The following DNAH17 variants were observed in gnomAD, a reference collection of about 807,000 sequenced individuals.
DNAH17 encodes the protein axonemal beta dynein heavy chain 17.
DNAH17 carries 376 observed loss-of-function variants against 485.6 expected under a neutral mutation model. The ratio of observed to expected loss-of-function variants is 0.77; its 90% CI spans 0.71 to 0.84. The LOEUF (loss-of-function observed/expected upper bound fraction) is 0.84. DNAH17 is among the 40% of genes least tolerant of loss of function. The probability of loss-of-function intolerance (pLI) is 0.00; values close to 1 mark genes in which losing one functional copy is unlikely to be tolerated. For missense variants in DNAH17, 6,370 were observed against 5,839.3 expected (o/e 1.09, Z -2.96); for synonymous variants, 3,031 against 2,405.9 (o/e 1.26, Z -7.60).
chr17:78,510,753 C>CCCG (rs138895432), intron 26 of DNAH17: 36,165 of 421,810 alleles, frequency 0.086, 2,209 homozygotes, highest in East Asian at 0.19. Flanking sequence ...GAATTGCGGC[C>CCCG]CCCCCGCAAA....
In DNAH17 at chr17:78,529,566, G is replaced by A. The variant is rs756507051; in HGVS notation, c.3413C>T (p.Ala1138Val). 6.2e-7 allele frequency: 1 copy of A among 1,613,932 alleles called. No homozygotes were observed. The highest frequency in any genetic ancestry group is 2.2e-5 in the East Asian group (1 of 44,872). ...CAGGGGCTCAAACATGTTGTCGGTG[G>A]CTGCTTGCCTCTCCTTGACTTTCAT... ...HLMKVKERQA[A>V]TDNMFEPLKQ... The change falls in exon 22 of 81, where the codon GCC becomes GTC. Residue 1138 changes from alanine to valine, a missense_variant. Coordinates refer to ENST00000389840, the MANE Select transcript of DNAH17 (RefSeq NM_173628.4).
chr17:78,545,136 G>A (rs1455347570), intron 16 of DNAH17, among the ~76,000 whole-genome samples: 1 of 152,130 alleles, frequency 6.6e-6, no homozygotes, highest in African/African-American at 2.4e-5. Context: ...GAACGATGAA[G>A]ACTTAGATCA....
intron 67 of DNAH17, 42 bp downstream of exon 67, chr17:78,450,640 C>G (rs1321939782): frequency 6.9e-6 from 11 of 1,592,308 alleles, no homozygotes; most frequent in Non-Finnish European, 9.4e-6. Flanking sequence ...CCCAGCCTCC[C>G]AAGCCCTGGC....
At chr17:78,436,664 C>T (rs561468611) in intron 74 of DNAH17, among the ~76,000 whole-genome samples, 24 of 151,950 alleles carry the variant, frequency 1.6e-4, no homozygotes, top group Admixed American at 3.3e-4. Context: ...GCCAACATAG[C>T]GAAATCTCAT....
At chr17:78,500,531 CAG>C (rs2090245886) in intron 35 of DNAH17, 70 bp from the exon 36 acceptor site, 1 of 1,436,210 alleles carries the variant, frequency 7.0e-7, no homozygotes, top group Non-Finnish European at 9.3e-7. Context: ...TTTTTTGAGA[CAG>C]AGTCTCACTC....
At chr17:78,501,617 C>A (rs2090293136) in intron 34 of DNAH17, 125 bp downstream of exon 34, 3 of 1,378,246 alleles carry the variant, frequency 2.2e-6, no homozygotes, top group African/African-American at 2.9e-5. Context: ...GAGGCAGCTG[C>A]AGCCAGCAAC....
intron 14 of DNAH17, among the ~76,000 whole-genome samples, chr17:78,555,839 C>T (rs578088128): frequency 9.1e-4 from 138 of 152,242 alleles, no homozygotes; most frequent in African/African-American, 3.1e-3. Context: ...GCACAAAAGG[C>T]GGAGGAAGGA....
intron 13 of DNAH17, among the ~76,000 whole-genome samples, chr17:78,559,407 C>T (rs2092102773): frequency 6.6e-6 from 1 of 152,220 alleles, no homozygotes; most frequent in Admixed American, 6.5e-5. Flanking sequence ...ACTCACCTGA[C>T]CCTAAAACAT....
At chr17:78,458,752 G>T (rs748049711) in intron 61 of DNAH17, 72 bp from the exon 62 acceptor site, 108 of 1,381,486 alleles carry the variant, frequency 7.8e-5, no homozygotes, top group Middle Eastern at 3.6e-4. Context: ...CGGCAGCAGG[G>T]CTGGGCCCTG....
Position 78,543,893 on chromosome 17 carries a change from G to A in DNAH17, c.2496C>T (p.Val832=). Residue 832 remains valine (V), a synonymous_variant, in exon 17 of 81, where the codon GTC becomes GTT. Transcript: ENST00000389840. ...IANLNKRYAA[V]RDAGVKIQAM... Reference sequence around the variant, plus strand: ...CTTGGATCTTCACTCCAGCATCCCTGACTGCTGCGTAGCGCTTGTTGAGGT... The same window carrying A: ...CTTGGATCTTCACTCCAGCATCCCTAACTGCTGCGTAGCGCTTGTTGAGGT... 6.2e-7 allele frequency: 1 copy of A among 1,614,018 alleles called. No individual in the cohort carries two copies. Among genetic ancestry groups the A allele is most frequent in the Middle Eastern group, 1.6e-4 (1 of 6,062 alleles).
chr17:78,570,332 A>C lies in DNAH17; in HGVS notation c.959T>G (p.Phe320Cys). 1.2e-6 allele frequency: 2 copies of C among 1,609,516 alleles called. No individual in the cohort carries two copies. Among genetic ancestry groups the C allele is most frequent in the Non-Finnish European group, 1.7e-6 (2 of 1,178,284 alleles). Reference sequence around the variant, plus strand: ...ATAGTACTCAGAGGTGGCCCAGATGAAGCAGATGGTGTCCAGCACCTTGGC... The same window carrying C: ...ATAGTACTCAGAGGTGGCCCAGATGCAGCAGATGGTGTCCAGCACCTTGGC... ...FIAKVLDTICFIWATSEYYNT... is the reference protein window; with the variant it reads ...FIAKVLDTICCIWATSEYYNT... The change falls in exon 7 of 81, where the codon TTC becomes TGC. Residue 320 changes from phenylalanine (F) to cysteine (C), a missense_variant. By Grantham distance (205) the Phe-to-Cys change is radical. Transcript: ENST00000389840.
intron 19 of DNAH17, among the ~76,000 whole-genome samples, chr17:78,535,351 C>G (rs2143359111): frequency 6.6e-6 from 1 of 152,324 alleles, no homozygotes; most frequent in East Asian, 1.9e-4. Context: ...ATCTTCTCAG[C>G]ATGGAAACCT....
At chr17:78,551,164 A>T (rs1476790664) in intron 16 of DNAH17, among the ~76,000 whole-genome samples, 1 of 152,188 alleles carries the variant, frequency 6.6e-6, no homozygotes, top group Admixed American at 6.5e-5. Flanking sequence ...CTAATGAAGG[A>T]TTCCCCCAGT....
At chr17:78,486,967 C>T (rs191534957) in intron 44 of DNAH17, among the ~76,000 whole-genome samples, 160 of 147,626 alleles carry the variant, frequency 1.1e-3, no homozygotes, top group African/African-American at 3.7e-3. Flanking sequence ...TCCAGCCATG[C>T]CTGAAGCACC....
At chr17:78,524,811 G>A (rs56101522) in intron 25 of DNAH17, among the ~76,000 whole-genome samples, 198 bp downstream of exon 25, 1,593 of 152,324 alleles carry the variant, frequency 0.01, 32 homozygotes, top group African/African-American at 0.035. Flanking sequence ...CACATACAGA[G>A]AGAGGTGAAC....
At chr17:78,560,301 G>A (rs1265954334) in intron 13 of DNAH17, among the ~76,000 whole-genome samples, 3 of 152,156 alleles carry the variant, frequency 2.0e-5, no homozygotes, top group African/African-American at 4.8e-5. Flanking sequence ...GCCTTGCCAC[G>A]TGCAGATTGG....
chr17:78,568,798 C>T (rs1008705971), intron 9 of DNAH17, among the ~76,000 whole-genome samples: 6 of 152,214 alleles, frequency 3.9e-5, no homozygotes, highest in African/African-American at 1.2e-4. Context: ...TCCGTGTATC[C>T]ACATGGTGCT....
In DNAH17 at chr17:78,526,713, T is replaced by C; in HGVS notation, c.3649A>G (p.Arg1217Gly). The C allele has an allele frequency of 1.2e-6, 2 of 1,610,434 alleles. No individual in the cohort carries two copies. The highest frequency in any genetic ancestry group is 1.7e-6 in the Non-Finnish European group (2 of 1,177,380). The stretch of plus-strand genomic sequence containing the variant: ...GAGAACGGGGCCTCGCGCCTGAACC[T>C]CTCCCTGAACTCATGTTGCTTGAGC... ...FELKQHEFRE[R>G]FRREAPFSFS... The change falls in exon 24 of 81, where the codon AGG (arginine) becomes GGG (glycine). Residue 1217 changes from arginine (R) to glycine (G), a missense_variant. Transcript: ENST00000389840.
intron 30 of DNAH17, among the ~76,000 whole-genome samples, chr17:78,505,751 G>C (rs897938223): frequency 2.0e-5 from 3 of 152,202 alleles, no homozygotes; most frequent in African/African-American, 7.2e-5. Flanking sequence ...GGCCGAGGCA[G>C]GTGGATCACC....
Sources: gnomAD v4.1 joint callset for allele counts (sites outside exome capture counted in the v4.1 genomes callset) on GRCh38, gnomAD v4.1.1 for gene constraint, MANE v1.5 for transcripts, NCBI Gene and HGNC (gene_info 2026-07-23, HGNC 2026-07-21) for gene names.